MED12L: variants seen among roughly 807,000 people sequenced by gnomAD.
MED12L encodes mediator of RNA polymerase II transcription subunit 12-like protein.
MED12L carries 60 observed loss-of-function variants against 281.3 expected under a neutral mutation model. The ratio of observed to expected loss-of-function variants is 0.21; its 90% CI spans 0.17 to 0.26. MED12L has a LOEUF of 0.26. Ranked by LOEUF, MED12L falls within the 10% of genes least tolerant of loss-of-function variation. The pLI is 1.00. For synonymous variants in MED12L, 974 were observed against 987.2 expected (o/e 0.99, Z 0.25); for missense variants, 2,146 against 2,680.9 (o/e 0.80, Z 4.41).
At chr3:151,298,721 G>A (rs945509484) in intron 16 of MED12L, among the ~76,000 whole-genome samples, 1 of 152,232 alleles carries the variant, frequency 6.6e-6, no homozygotes, top group Non-Finnish European at 1.5e-5. Flanking sequence ...GTGCATGTGT[G>A]TGTACAGGAC....
chr3:151,316,753 A>G (rs180732624), intron 16 of MED12L: 9 of 152,318 alleles, frequency 5.9e-5, no homozygotes, highest in Admixed American at 2.0e-4. Flanking sequence ...CAAGGTAGGT[A>G]TCTCCCTTAC....
In MED12L at chr3:151,138,342, AG is replaced by A. The variant is rs549565072; in HGVS notation, c.556+10359del. On this transcript the variant is annotated intron_variant, in intron 5 of 44. Transcript: ENST00000687756. ...TTTTAGATTTACAGAGAAATTGAGA[AG>A]ATAGTACAGAGTTCCCATGCATTCT... 3.6e-3 allele frequency among the ~76,000 whole-genome samples: 543 copies of A among 152,310 alleles called. 3 individuals are homozygous for A. Among genetic ancestry groups the A allele is most frequent in the African/African-American group, 0.012 (513 of 41,562 alleles).
intron 8 of MED12L, 151 bp downstream of exon 8, chr3:151,160,252 T>C: frequency 1.3e-6 from 1 of 743,062 alleles, no homozygotes; most frequent in Non-Finnish European, 2.1e-6. Flanking sequence ...TATGTTTTTA[T>C]TTCCCTGTGA....
At position 151,397,410 on chromosome 3, in the gene MED12L, G is replaced by A. The variant is rs372650374; in HGVS notation, c.5820+2543G>A. ...AGTCACGATGTACAGTGATCCTGTAGTACATCGAGCTAATGAGATTTGCAT... is the reference window on the plus strand; with the variant it reads ...AGTCACGATGTACAGTGATCCTGTAATACATCGAGCTAATGAGATTTGCAT... On this transcript the variant is annotated intron_variant, in intron 39 of 44. Coordinates refer to ENST00000687756, the MANE Select transcript of MED12L (RefSeq NM_001393769.1). Among the ~76,000 whole-genome samples, 35 of 152,330 alleles carry A rather than the reference G, an allele frequency of 2.3e-4. No homozygotes were observed. The South Asian group carries it at 7.0e-3, about 31-fold the overall frequency.
At chr3:151,286,414 G>A (rs1743514162) in intron 16 of MED12L, among the ~76,000 whole-genome samples, 1 of 152,110 alleles carries the variant, frequency 6.6e-6, no homozygotes, top group Admixed American at 6.5e-5. Flanking sequence ...ATTCAAATTG[G>A]ATGGGCTGTG....
Position 151,434,763 on chromosome 3 carries a change from A to G in MED12L, c.*1959A>G, listed in dbSNP as rs1162400384. The G allele has an allele frequency of 6.6e-6, 1 of 152,210 alleles. No individual in the cohort carries two copies. Among genetic ancestry groups the G allele is most frequent in the Non-Finnish European group, 1.5e-5 (1 of 68,050 alleles). 9.4% of individuals were successfully genotyped at this position (152,210 alleles called of 1,614,324 possible). On this transcript the variant is annotated 3_prime_UTR_variant, in exon 45 of 45. Coordinates refer to ENST00000687756, the MANE Select transcript of MED12L (RefSeq NM_001393769.1). ...GTTTGAACCATATATTTTGTAGCTC[A>G]GCATTGCAAACAACAGTAATACTGT...
At chr3:151,256,564 T>G (rs1737845973) in intron 16 of MED12L, among the ~76,000 whole-genome samples, 1 of 152,160 alleles carries the variant, frequency 6.6e-6, no homozygotes, top group African/African-American at 2.4e-5. Flanking sequence ...TTTTTCCTAA[T>G]GTAGGCAAAA....
intron 7 of MED12L, 98 bp downstream of exon 7, chr3:151,158,897 C>A: frequency 1.3e-6 from 1 of 788,856 alleles, no homozygotes; most frequent in Non-Finnish European, 2.1e-6. Flanking sequence ...GAAAAAATAT[C>A]CTGTTGAAAT....
At chr3:151,089,939 C>CA (rs1438742774) in intron 2 of MED12L, among the ~76,000 whole-genome samples, 1 of 152,184 alleles carries the variant, frequency 6.6e-6, no homozygotes, top group Non-Finnish European at 1.5e-5. Flanking sequence ...TGTTCAGTTC[C>CA]AAAATATATT....
At chr3:151,255,090 C>T (rs1203668261) in intron 16 of MED12L, among the ~76,000 whole-genome samples, 1 of 151,926 alleles carries the variant, frequency 6.6e-6, no homozygotes, top group Non-Finnish European at 1.5e-5. Context: ...TGTAGAGAAG[C>T]GCTTAAAAGA....
rs1720602473 is a variant in MED12L, at chr3:151,165,538, GA to G, written c.1357+21del. ...ACAGCAGGTACAGAATGCCACAGAG[GA>G]ACGAGTGCTTTTGAATGTTGGACTT... On this transcript the variant is annotated intron_variant, in intron 10 of 44. Transcript: ENST00000687756. 1.9e-6 allele frequency: 3 copies of G among 1,585,102 alleles called. No homozygotes were observed. The highest frequency in any genetic ancestry group is 2.7e-5 in the African/African-American group (2 of 74,452).
intron 39 of MED12L, 147 bp downstream of exon 39, chr3:151,395,014 G>A: frequency 9.6e-7 from 1 of 1,045,892 alleles, no homozygotes; most frequent in Non-Finnish European, 1.4e-6. Context: ...TTACAGGCTT[G>A]TAAATAGTTT....
chr3:151,349,019 C>G (rs943931034), intron 16 of MED12L, among the ~76,000 whole-genome samples: 1 of 152,134 alleles, frequency 6.6e-6, no homozygotes, highest in Non-Finnish European at 1.5e-5. Flanking sequence ...TAAGTGCTTG[C>G]CATGGGCAAA....
At chr3:151,162,106 A>T (rs1397914445) in intron 8 of MED12L, among the ~76,000 whole-genome samples, 2 of 152,170 alleles carry the variant, frequency 1.3e-5, no homozygotes, top group South Asian at 2.1e-4. Flanking sequence ...ATATATATAT[A>T]TTTTGATGGG....
At chr3:151,307,564 TG>T (rs1746864607) in intron 16 of MED12L, among the ~76,000 whole-genome samples, 1 of 151,118 alleles carries the variant, frequency 6.6e-6, no homozygotes, top group Admixed American at 6.6e-5. Flanking sequence ...TGTGTGTGTG[TG>T]TGTGTGTGTG....
At chr3:151,314,393 A>G (rs1428309984) in intron 16 of MED12L, among the ~76,000 whole-genome samples, 2 of 152,208 alleles carry the variant, frequency 1.3e-5, no homozygotes, top group African/African-American at 4.8e-5. Flanking sequence ...ATTGGCCTGA[A>G]GCAGAAGGTC....
intron 16 of MED12L, among the ~76,000 whole-genome samples, chr3:151,218,188 C>T (rs1175412894): frequency 6.6e-6 from 1 of 152,128 alleles, no homozygotes; most frequent in Non-Finnish European, 1.5e-5. Context: ...AAATAAGAAC[C>T]AAAAGAATCA....
rs905169256 is a variant in MED12L at position 151,085,895 on chromosome 3, C to CCCG, written c.-162_-160dup. 6.6e-6 allele frequency: 1 copy of CCCG among 152,126 alleles called. No individual in the cohort carries two copies. The highest frequency in any genetic ancestry group is 2.4e-5 in the African/African-American group (1 of 41,436). 9.4% of individuals were successfully genotyped at this position (152,126 alleles called of 1,614,324 possible). On this transcript the variant is annotated 5_prime_UTR_variant, in exon 1 of 45. Transcript: ENST00000687756. ...TGGAGGCTGCGGCGGCCGGAGTGAC[C>CCCG]CCGCCGCCGCCAGCCCCAGCCCGCT...
intron 2 of MED12L, among the ~76,000 whole-genome samples, chr3:151,103,410 A>G (rs547548119): frequency 6.6e-6 from 1 of 152,336 alleles, no homozygotes; most frequent in African/African-American, 2.4e-5. Flanking sequence ...CCACTTTTAA[A>G]TGAGGGAGGA....
Sources: allele counts gnomAD v4.1 joint callset (sites outside exome capture counted in the v4.1 genomes callset), GRCh38; gene constraint gnomAD v4.1.1; transcripts MANE v1.5; gene names NCBI Gene and HGNC (gene_info 2026-07-23, HGNC 2026-07-21).